The following GCSAML variants were observed in gnomAD, a reference collection of about 807,000 sequenced individuals.
GCSAML encodes germinal center associated signaling and motility like.
Under a neutral mutation model 13.0 loss-of-function variants are expected in GCSAML, and 9 were observed. The ratio of observed to expected loss-of-function variants is 0.69; its 90% CI spans 0.42 to 1.21. GCSAML has a LOEUF of 1.21. Among genes scored for constraint, GCSAML ranks in the 50% most tolerant of loss-of-function variants. The pLI is 0.00. For missense variants in GCSAML, 143 were observed against 153.4 expected (o/e 0.93, Z 0.36); for synonymous variants, 37 against 52.9 (o/e 0.70, Z 1.31).
At chr1:247,520,466 C>T (rs1666374277) in intron 1 of GCSAML, among the ~76,000 whole-genome samples, 1 of 152,082 alleles carries the variant, frequency 6.6e-6, no homozygotes, top group Non-Finnish European at 1.5e-5. Flanking sequence ...CTGAAGAGTT[C>T]TGATTTGCCA....
chr1:247,531,703 T>G (rs751408412), intron 2 of GCSAML: 1 of 1,614,174 alleles, frequency 6.2e-7, no homozygotes, highest in East Asian at 2.2e-5. Flanking sequence ...CTTGCCCTGC[T>G]CATGGGAGGT....
intron 1 of GCSAML, among the ~76,000 whole-genome samples, chr1:247,522,990 C>T (rs1396518544): frequency 2.7e-5 from 4 of 150,938 alleles, no homozygotes; most frequent in Non-Finnish European, 5.9e-5. Context: ...ACAAATACTG[C>T]TTCACATTGC....
At chr1:247,540,819 A>G (rs867366265) in intron 2 of GCSAML, among the ~76,000 whole-genome samples, 4 of 152,242 alleles carry the variant, frequency 2.6e-5, no homozygotes, top group South Asian at 2.1e-4. Flanking sequence ...CAATTCACGT[A>G]GAATACAATC....
At chr1:247,508,484 T>C (rs1220400867) in intron 1 of GCSAML, among the ~76,000 whole-genome samples, 1 of 152,248 alleles carries the variant, frequency 6.6e-6, no homozygotes. Flanking sequence ...GATGATAGTT[T>C]CTTTTGCTGT....
intron 1 of GCSAML, among the ~76,000 whole-genome samples, chr1:247,552,735 T>G (rs1667819365): frequency 6.6e-6 from 1 of 152,218 alleles, no homozygotes; most frequent in African/African-American, 2.4e-5. Context: ...TGCAAATTCT[T>G]CTATGTTTAT....
chr1:247,565,866 G>A lies in GCSAML; in HGVS notation c.140-65G>A. 3.1e-6 allele frequency: 4 copies of A among 1,304,240 alleles called. No homozygotes were observed. In the South Asian group the frequency reaches 4.3e-5, roughly 14 times the overall value. 80.8% of individuals were successfully genotyped at this position (1,304,240 alleles called of 1,614,324 possible). A position where few individuals can be genotyped will look rare whatever the true frequency, so the allele number is the denominator to read the frequency against. On this transcript the variant is annotated intron_variant, in intron 3 of 4. Coordinates refer to ENST00000366488, the MANE Select transcript of GCSAML (RefSeq NM_145278.5). ...TTTTTTTCACCTTTTCCTTCAATCT[G>A]TGATGGGGCAAAAGTCTCACAGTGC...
intron 2 of GCSAML, among the ~76,000 whole-genome samples, chr1:247,532,953 A>G (rs1440443371): frequency 6.6e-6 from 1 of 152,176 alleles, no homozygotes; most frequent in African/African-American, 2.4e-5. Flanking sequence ...GAAATATTAT[A>G]GTAACAACAT....
At position 247,526,178 on chromosome 1, in the gene GCSAML, C is replaced by T. The variant is rs1572300647; in HGVS notation, c.-262-762C>T. ...TGATCTATTAAGTGAATTTATTTGCCAAGAAATCTTGAGCCTGCTATTCCC... is the reference window on the plus strand; with the variant it reads ...TGATCTATTAAGTGAATTTATTTGCTAAGAAATCTTGAGCCTGCTATTCCC... On this transcript the variant is annotated intron_variant, in intron 1 of 5. Coordinates refer to the GCSAML transcript ENST00000366489. The surrounding 1 kb of genome is among the most constrained non-coding windows in gnomAD (Gnocchi z 4.8). 1 of 152,100 alleles carries T rather than the reference C, an allele frequency of 6.6e-6. No homozygotes were observed. The highest frequency in any genetic ancestry group is 2.4e-5 in the African/African-American group (1 of 41,400). The allele number at this position is 152,100 out of a possible 1,614,324, so 9.4% of individuals were successfully genotyped here. A position where few individuals can be genotyped will look rare whatever the true frequency, so the allele number is the denominator to read the frequency against.
At chr1:247,528,016 C>T (rs34444215) in intron 2 of GCSAML, 2 of 152,052 alleles carry the variant, frequency 1.3e-5, no homozygotes, top group Admixed American at 6.5e-5. Flanking sequence ...AAAATTTTAT[C>T]TAATACTTTA....
At chr1:247,532,045 G>A in intron 2 of GCSAML, 1 of 1,614,096 alleles carries the variant, frequency 6.2e-7, no homozygotes, top group Non-Finnish European at 8.5e-7. Flanking sequence ...CACCATGCTG[G>A]TGGTCAGACC....
chr1:247,524,028 A>ACT (rs1553302214), intron 1 of GCSAML, among the ~76,000 whole-genome samples: 2 of 150,368 alleles, frequency 1.3e-5, no homozygotes, highest in African/African-American at 5.0e-5. Flanking sequence ...ACACACACAC[A>ACT]CTCTGCAGAT....
At chr1:247,516,697 G>C (rs1360973167) in intron 1 of GCSAML, among the ~76,000 whole-genome samples, 1 of 152,016 alleles carries the variant, frequency 6.6e-6, no homozygotes, top group Non-Finnish European at 1.5e-5. Context: ...GTGGACAGCA[G>C]AGCTATGGAA....
chr1:247,540,483 C>T (rs952835748), intron 2 of GCSAML, among the ~76,000 whole-genome samples: 6 of 152,226 alleles, frequency 3.9e-5, no homozygotes, highest in Non-Finnish European at 5.9e-5. Flanking sequence ...CTGTTCAGCA[C>T]GTATTGAAGC....
intron 1 of GCSAML, among the ~76,000 whole-genome samples, chr1:247,555,161 T>A (rs1667907745): frequency 6.6e-6 from 1 of 152,158 alleles, no homozygotes; most frequent in African/African-American, 2.4e-5. Context: ...ACTTTTCCTG[T>A]CTTGTTTTCA....
intron 2 of GCSAML, among the ~76,000 whole-genome samples, chr1:247,560,194 G>A (rs1015350900): frequency 2.6e-5 from 4 of 152,148 alleles, no homozygotes; most frequent in African/African-American, 9.7e-5. Flanking sequence ...CTGGAGCCTC[G>A]GAACGACAGA....
intron 1 of GCSAML, among the ~76,000 whole-genome samples, chr1:247,521,306 GTCTCCC>G (rs1666409146): frequency 6.6e-6 from 1 of 151,114 alleles, no homozygotes; most frequent in African/African-American, 2.4e-5. Flanking sequence ...AAAACATAAT[GTCTCCC>G]TCTCCCTCTC....
chr1:247,530,181 A>G (rs1398108147), intron 2 of GCSAML: 1 of 152,162 alleles, frequency 6.6e-6, no homozygotes, highest in Non-Finnish European at 1.5e-5. Context: ...ATATACATAT[A>G]TATAATAAAA....
intron 1 of GCSAML, among the ~76,000 whole-genome samples, chr1:247,550,960 TA>T (rs1248088890): frequency 6.6e-6 from 1 of 152,074 alleles, no homozygotes; most frequent in Non-Finnish European, 1.5e-5. Flanking sequence ...GACTCAGCTT[TA>T]AAAAAATAGA....
In GCSAML at chr1:247,509,258, C is replaced by G. The variant is rs183689921; in HGVS notation, c.-263+2025C>G. Among the ~76,000 whole-genome samples the G allele has an allele frequency of 2.6e-5, 4 of 152,236 alleles. No individual in the cohort carries two copies. The East Asian group carries it at 5.8e-4, about 22-fold the overall frequency. Reference sequence around the variant, plus strand: ...GTTGTATTCCTACATTTTTTATTCTCTTTGTAGCAATTGTGAATGGGAGTT... The same window carrying G: ...GTTGTATTCCTACATTTTTTATTCTGTTTGTAGCAATTGTGAATGGGAGTT... On this transcript the variant is annotated intron_variant, in intron 1 of 5. Coordinates refer to the GCSAML transcript ENST00000366489.
Sources: allele counts gnomAD v4.1 joint callset (sites outside exome capture counted in the v4.1 genomes callset), GRCh38; gene constraint gnomAD v4.1.1; non-coding constraint Gnocchi (gnomAD v3.1); transcripts MANE v1.5; gene names NCBI Gene and HGNC (gene_info 2026-07-23, HGNC 2026-07-21).